Variants in UBE2H observed in about 807,000 individuals in gnomAD.
The protein encoded by UBE2H is ubiquitin conjugating enzyme E2 H, also known as ubiquitin-conjugating enzyme E2 H.
Under a neutral mutation model 29.0 loss-of-function variants are expected in UBE2H, and 3 were observed. The ratio of observed to expected loss-of-function variants is 0.10; its 90% CI spans 0.05 to 0.27. UBE2H has a LOEUF of 0.27. UBE2H is among the 10% of genes least tolerant of loss of function. The probability of loss-of-function intolerance (pLI) is 1.00; values close to 1 mark genes in which losing one functional copy is unlikely to be tolerated. For synonymous variants in UBE2H, 69 were observed against 82.9 expected (o/e 0.83, Z 0.91); for missense variants, 68 against 228.2 (o/e 0.30, Z 4.52).
chr7:129,933,237 G>A lies in UBE2H; in HGVS notation c.53+19266C>T, dbSNP rs576455955. Among the ~76,000 whole-genome samples the A allele has an allele frequency of 3.0e-4, 44 of 149,142 alleles. 1 individual carries two copies. In the South Asian group the frequency reaches 8.8e-3, roughly 30 times the overall value. ...TTTTGTCACAGAATACAGGTGAAAG[G>A]TAAAAATAAACACAACATAAAGGTC... On this transcript the variant is annotated intron_variant, in intron 1 of 6. Coordinates refer to ENST00000355621, the MANE Select transcript of UBE2H (RefSeq NM_003344.4).
intron 5 of UBE2H, among the ~76,000 whole-genome samples, chr7:129,851,818 T>G (rs1444610653): frequency 6.6e-6 from 1 of 152,216 alleles, no homozygotes; most frequent in Non-Finnish European, 1.5e-5. Context: ...ATATAACTAG[T>G]TAGACTCCTG....
intron 3 of UBE2H, among the ~76,000 whole-genome samples, chr7:129,875,907 C>T (rs561814487): frequency 9.3e-4 from 142 of 152,316 alleles, no homozygotes; most frequent in African/African-American, 3.2e-3. Flanking sequence ...CTGGGGATTA[C>T]TTGGGGTTCT....
chr7:129,877,353 T>C (rs956474127), intron 3 of UBE2H, among the ~76,000 whole-genome samples: 18 of 152,158 alleles, frequency 1.2e-4, no homozygotes, highest in African/African-American at 4.3e-4. Context: ...CGCCCTTCTG[T>C]ATAATTTTAC....
intron 5 of UBE2H, 136 bp downstream of exon 5, chr7:129,857,375 A>G: frequency 1.2e-6 from 1 of 820,176 alleles, no homozygotes; most frequent in Admixed American, 2.9e-5. Flanking sequence ...TCCACTGATC[A>G]AACTTTCCCA....
chr7:129,913,252 C>CAA (rs59869623), intron 1 of UBE2H, among the ~76,000 whole-genome samples: 16 of 75,468 alleles, frequency 2.1e-4, no homozygotes, highest in East Asian at 1.6e-3. Context: ...AACTCCGTCT[C>CAA]AAAAAAAAAA....
chr7:129,934,943 A>G (rs111465347), intron 1 of UBE2H, among the ~76,000 whole-genome samples: 25,815 of 149,446 alleles, frequency 0.17, 2,399 homozygotes, highest in African/African-American at 0.23. Flanking sequence ...ATATATATAT[A>G]TATGTGTGTG....
chr7:129,896,843 G>A (rs1806610739), intron 1 of UBE2H, among the ~76,000 whole-genome samples: 1 of 152,168 alleles, frequency 6.6e-6, no homozygotes, highest in South Asian at 2.1e-4. Flanking sequence ...AGGCATTTAT[G>A]AATCATTCAC....
At chr7:129,868,213 C>A (rs983943711) in intron 3 of UBE2H, among the ~76,000 whole-genome samples, 1 of 152,240 alleles carries the variant, frequency 6.6e-6, no homozygotes, top group African/African-American at 2.4e-5. Context: ...CTAACCTAGG[C>A]AGCAAGTGTG....
chr7:129,839,467 T>C, intron 5 of UBE2H, 132 bp from the exon 6 acceptor site: 1 of 1,208,770 alleles, frequency 8.3e-7, no homozygotes, highest in Non-Finnish European at 1.2e-6. Context: ...GTGTGCTCTA[T>C]TACATGTGAC....
intron 3 of UBE2H, among the ~76,000 whole-genome samples, chr7:129,875,692 T>C (rs1806132281): frequency 6.6e-6 from 1 of 152,230 alleles, no homozygotes; most frequent in Non-Finnish European, 1.5e-5. Flanking sequence ...TTATTTTTTT[T>C]TATTAAAAAT....
At chr7:129,839,356 G>T in intron 5 of UBE2H, 21 bp from the exon 6 acceptor site, 1 of 1,611,618 alleles carries the variant, frequency 6.2e-7, no homozygotes, top group Non-Finnish European at 8.5e-7. Flanking sequence ...AAACAAACAT[G>T]TCACACATGG....
At chr7:129,939,720 G>A (rs1272441440) in intron 1 of UBE2H, among the ~76,000 whole-genome samples, 1 of 152,124 alleles carries the variant, frequency 6.6e-6, no homozygotes, top group Non-Finnish European at 1.5e-5. Context: ...AGCACTTTGG[G>A]AGGCCAAAGC....
chr7:129,836,905 AAAAAAAG>A (rs1805339994), intron 6 of UBE2H, among the ~76,000 whole-genome samples: 2 of 134,860 alleles, frequency 1.5e-5, no homozygotes, highest in Admixed American at 1.5e-4. Context: ...AAAAAAAAAA[AAAAAAAG>A]GAGTAAGGGC....
chr7:129,924,561 G>A (rs189813781), intron 1 of UBE2H, among the ~76,000 whole-genome samples: 2 of 151,424 alleles, frequency 1.3e-5, no homozygotes, highest in Admixed American at 1.3e-4. Context: ...CTTCAATTCT[G>A]TATTCCCTAG....
intron 6 of UBE2H, among the ~76,000 whole-genome samples, chr7:129,835,942 A>G (rs1805316968): frequency 6.6e-6 from 1 of 152,222 alleles, no homozygotes; most frequent in Non-Finnish European, 1.5e-5. Context: ...CCAGATTTGA[A>G]TAACTAGCAC....
intron 1 of UBE2H, among the ~76,000 whole-genome samples, chr7:129,894,769 C>T (rs7783474): frequency 0.012 from 1,854 of 151,886 alleles, 40 homozygotes; most frequent in African/African-American, 0.043. Flanking sequence ...CATTACAGGC[C>T]TGAGCCACCG....
intron 3 of UBE2H, among the ~76,000 whole-genome samples, chr7:129,870,037 T>C (rs1563028492): frequency 6.6e-6 from 1 of 152,220 alleles, no homozygotes; most frequent in African/African-American, 2.4e-5. Context: ...GCCTTGTCCC[T>C]TTTCTTTGAG....
At chr7:129,918,649 C>A (rs2116464049) in intron 1 of UBE2H, among the ~76,000 whole-genome samples, 1 of 152,242 alleles carries the variant, frequency 6.6e-6, no homozygotes, top group African/African-American at 2.4e-5. Context: ...TCATATTTGA[C>A]AATAAAAAAC....
At chr7:129,946,129 T>A (rs1414831436) in intron 1 of UBE2H, among the ~76,000 whole-genome samples, 1 of 150,954 alleles carries the variant, frequency 6.6e-6, no homozygotes, top group Non-Finnish European at 1.5e-5. Context: ...CTCTGCTCAC[T>A]GCAAGCTCCG....
Sources: gnomAD v4.1 joint callset for allele counts (sites outside exome capture counted in the v4.1 genomes callset) on GRCh38, gnomAD v4.1.1 for gene constraint, MANE v1.5 for transcripts, NCBI Gene and HGNC (gene_info 2026-07-23, HGNC 2026-07-21) for gene names.